The following PLA2R1 variants were observed in gnomAD, a reference collection of about 807,000 sequenced individuals.
PLA2R1 encodes the protein secretory phospholipase A2 receptor.
A neutral mutation model predicts 195.9 loss-of-function variants in PLA2R1; 158 were observed. The ratio of observed to expected loss-of-function variants is 0.81; its 90% CI spans 0.71 to 0.92. PLA2R1 has a LOEUF of 0.92. Among genes scored for constraint, PLA2R1 ranks in the 40% least tolerant of loss-of-function variants. The probability of loss-of-function intolerance (pLI) is 0.00; values close to 1 mark genes in which losing one functional copy is unlikely to be tolerated. For synonymous variants in PLA2R1, 586 were observed against 598.2 expected (o/e 0.98, Z 0.30); for missense variants, 1,626 against 1,764.6 (o/e 0.92, Z 1.41).
At chr2:160,024,715 G>A (rs560915054) in intron 6 of PLA2R1, among the ~76,000 whole-genome samples, 2 of 152,134 alleles carry the variant, frequency 1.3e-5, no homozygotes, top group Non-Finnish European at 2.9e-5. Flanking sequence ...TGCATCCAAG[G>A]GAAACAGCAT....
chr2:159,987,348 A>G lies in PLA2R1; in HGVS notation c.1845T>C (p.Gly615=). The G allele has an allele frequency of 1.2e-6, 2 of 1,610,532 alleles. No individual in the cohort carries two copies. The highest frequency in any genetic ancestry group is 1.7e-6 in the Non-Finnish European group (2 of 1,178,998). ...HWNTHQPRYS[G]GCVAMRGRHP... ...GCCTTCCTCGCATGGCAACACAGCC[A>G]CCACTGTAGCCTAAAAGCAGAAAAC... The change falls in exon 12 of 30, where the codon GGT becomes GGC. Residue 615 remains glycine (G), a synonymous_variant. Coordinates refer to ENST00000283243, the MANE Select transcript of PLA2R1 (RefSeq NM_007366.5).
intron 9 of PLA2R1, among the ~76,000 whole-genome samples, chr2:160,013,701 C>CTCTGTGTG (rs1402140433): frequency 5.3e-5 from 7 of 131,272 alleles, no homozygotes; most frequent in African/African-American, 1.4e-4. Flanking sequence ...CTCTCTCTCT[C>CTCTGTGTG]TGTCTCTCTC....
chr2:159,996,390 T>C (rs543600812), intron 11 of PLA2R1, among the ~76,000 whole-genome samples: 2 of 152,254 alleles, frequency 1.3e-5, no homozygotes, highest in African/African-American at 4.8e-5. Flanking sequence ...GGATGACTTC[T>C]GAAGAGCAGT....
intron 13 of PLA2R1, among the ~76,000 whole-genome samples, chr2:159,982,032 T>C (rs1322603726): frequency 6.6e-6 from 1 of 152,178 alleles, no homozygotes; most frequent in Non-Finnish European, 1.5e-5. Context: ...TAAATTCTGC[T>C]AGACATTTCA....
In PLA2R1 at chr2:159,949,632, C is replaced by T; in HGVS notation, c.3685G>A (p.Gly1229Ser). Residue 1229 changes from glycine to serine, a missense_variant, in exon 25 of 30, where the codon GGT becomes AGT. Gly to Ser is a moderately conservative substitution (Grantham distance 56, BLOSUM62 0). Transcript: ENST00000283243. ...CCAGGTGGCACATGACAAATGGCAC[C>T]TTGCAGAAATGACTCGCAGGCTGTG... is the stretch of plus-strand genomic sequence containing the variant. The part of the protein sequence containing the change: ...HSTACESFLQ[G>S]AICHVPPETR... The T allele has an allele frequency of 6.2e-7, 1 of 1,613,950 alleles. No homozygotes were observed. Among genetic ancestry groups the T allele is most frequent in the Non-Finnish European group, 8.5e-7 (1 of 1,179,874 alleles).
At chr2:160,044,426 A>G (rs1206621373) in intron 2 of PLA2R1, among the ~76,000 whole-genome samples, 1 of 152,160 alleles carries the variant, frequency 6.6e-6, no homozygotes, top group East Asian at 1.9e-4. Flanking sequence ...TTGTCATGAC[A>G]AAAGTCTTCA....
rs765056494 is a variant in PLA2R1 at position 160,028,885 on chromosome 2, T to TCAGA, written c.916_919dup (p.Asp307ValfsTer2). The TCAGA allele has an allele frequency of 6.2e-7, 1 of 1,612,966 alleles. No individual in the cohort carries two copies. The highest frequency in any genetic ancestry group is 8.5e-7 in the Non-Finnish European group (1 of 1,178,906). On this transcript the variant is annotated stop_gained and frameshift_variant, in exon 5 of 30. Transcript: ENST00000283243. LOFTEE classifies it high-confidence loss of function. ...ATTCAGATAGTTGAGCGGCGTTCCA[T>TCAGA]CAGACCACTGCCAGCCAGCGTGTTC... is the stretch of plus-strand genomic sequence containing the variant.
chr2:160,005,799 T>C lies in PLA2R1; in HGVS notation c.1687A>G (p.Ser563Gly), dbSNP rs753812983. ...ATTTTTACCACACTACTGATCAAAC[T>C]GGTAATAAAAGCCTGTTCAAACCTT... Reference protein sequence around the residue: ...TNRFEQAFITSLISSVVKMKD... With the variant: ...TNRFEQAFITGLISSVVKMKD... The change falls in exon 11 of 30, where the codon AGT (serine) becomes GGT (glycine). Residue 563 changes from serine to glycine, a missense_variant. Ser to Gly is a moderately conservative substitution (Grantham distance 56). Transcript: ENST00000283243. 7.4e-6 allele frequency: 12 copies of C among 1,612,506 alleles called. No individual in the cohort carries two copies. In the African/African-American group the frequency reaches 1.1e-4, roughly 14 times the overall value.
intron 20 of PLA2R1, among the ~76,000 whole-genome samples, chr2:159,966,131 G>C (rs1688772976): frequency 6.6e-6 from 1 of 152,124 alleles, no homozygotes; most frequent in African/African-American, 2.4e-5. Flanking sequence ...TAGCTAAGGG[G>C]GGACGTAACT....
At chr2:159,948,774 T>C (rs1687549295) in intron 25 of PLA2R1, among the ~76,000 whole-genome samples, 1 of 152,084 alleles carries the variant, frequency 6.6e-6, no homozygotes, top group Admixed American at 6.6e-5. Context: ...TCTAAAAATA[T>C]ATAATTTGTA....
Position 160,020,032 on chromosome 2 carries a change from G to C in PLA2R1, c.1452+74C>G, listed in dbSNP as rs1347732597. ...TGCACCTGTCTTGGTCTCTGCCACA[G>C]CCCAAAGCTCCAACACAGGTGGCCT... is the stretch of plus-strand genomic sequence containing the variant. On this transcript the variant is annotated intron_variant, in intron 8 of 29. Transcript: ENST00000283243. 5.2e-6 allele frequency: 6 copies of C among 1,156,482 alleles called. No individual in the cohort carries two copies. The Admixed American group carries it at 1.3e-4, about 24-fold the overall frequency. The allele number at this position is 1,156,482 out of a possible 1,614,324, so 71.6% of individuals were successfully genotyped here.
chr2:159,993,457 C>CACAT (rs962740246), intron 11 of PLA2R1, among the ~76,000 whole-genome samples: 2 of 151,338 alleles, frequency 1.3e-5, no homozygotes, highest in Non-Finnish European at 2.9e-5. Context: ...TTAATTTACA[C>CACAT]ACACACACAC....
intron 3 of PLA2R1, among the ~76,000 whole-genome samples, chr2:160,033,688 C>T (rs1693992605): frequency 6.6e-6 from 1 of 152,200 alleles, no homozygotes; most frequent in Non-Finnish European, 1.5e-5. Flanking sequence ...GCAAGATCCA[C>T]TTGTAAGACA....
chr2:159,948,191 T>C (rs1035240373), intron 25 of PLA2R1, among the ~76,000 whole-genome samples: 1 of 152,154 alleles, frequency 6.6e-6, no homozygotes, highest in African/African-American at 2.4e-5. Context: ...TCTTTATCTA[T>C]AAAAGAGAGC....
intron 27 of PLA2R1, 123 bp downstream of exon 27, chr2:159,946,678 C>T: frequency 7.0e-7 from 1 of 1,434,598 alleles, no homozygotes; most frequent in Non-Finnish European, 9.1e-7. Flanking sequence ...TGGCTTTAGG[C>T]TTCATGCTAT....
intron 13 of PLA2R1, among the ~76,000 whole-genome samples, chr2:159,983,321 G>T (rs1403893998): frequency 6.6e-6 from 1 of 152,064 alleles, no homozygotes; most frequent in South Asian, 2.1e-4. Flanking sequence ...TACAATTTAA[G>T]CTTGAGTTTC....
intron 1 of PLA2R1, among the ~76,000 whole-genome samples, chr2:160,060,578 T>C (rs1394330841): frequency 6.6e-6 from 1 of 152,204 alleles, no homozygotes. Context: ...ATGCCAACTA[T>C]GTCAACCTTT....
chr2:159,941,841 G>T lies in PLA2R1; in HGVS notation c.4329C>A (p.Asn1443Lys). 2 of 1,612,662 alleles carry T rather than the reference G, an allele frequency of 1.2e-6. No individual in the cohort carries two copies. The highest frequency in any genetic ancestry group is 8.5e-7 in the Non-Finnish European group (1 of 1,178,778). ...GFRNPYYPAT[N>K]FSTVYLEENI... ...TTTCTTCTAAATATACTGTACTAAA[G>T]TTGGTTGCAGGATAGTAAGGATTCC... Residue 1443 changes from asparagine to lysine, a missense_variant, in exon 30 of 30, where the codon AAC (asparagine) becomes AAA (lysine). Coordinates refer to ENST00000283243, the MANE Select transcript of PLA2R1 (RefSeq NM_007366.5).
At chr2:159,981,642 C>T (rs1227357041) in intron 13 of PLA2R1, among the ~76,000 whole-genome samples, 2 of 152,186 alleles carry the variant, frequency 1.3e-5, no homozygotes, top group East Asian at 3.9e-4. Flanking sequence ...CTCCTGGGCT[C>T]AAGCAATCTG....
Sources: gnomAD v4.1 joint callset for allele counts (sites outside exome capture counted in the v4.1 genomes callset) on GRCh38, gnomAD v4.1.1 for gene constraint, MANE v1.5 for transcripts, NCBI Gene and HGNC (gene_info 2026-07-23, HGNC 2026-07-21) for gene names.